USB1: variants seen among roughly 807,000 people sequenced by gnomAD.
USB1 encodes U6 snRNA biogenesis phosphodiesterase 1, also known as U6 snRNA phosphodiesterase 1.
Under a neutral mutation model 29.9 loss-of-function variants are expected in USB1, and 21 were observed. The ratio of observed to expected loss-of-function variants is 0.70; its 90% CI spans 0.50 to 1.01. The LOEUF is 1.01. Among genes scored for constraint, USB1 ranks in the 50% least tolerant of loss-of-function variants. USB1 has a pLI of 0.00. For missense variants in USB1, 330 were observed against 347.1 expected, an observed-to-expected ratio of 0.95 and a Z score of 0.39; for synonymous variants, 143 against 134.9, an observed-to-expected ratio of 1.06 and a Z score of -0.42.
chr16:58,016,722 G>C lies in USB1; in HGVS notation c.504-612G>C, dbSNP rs758342982. ...GCTGGGTGCGTACGAGGCGGACAGC[G>C]AAGTGTCCCTTGGATTTGGTAACGT... is the stretch of plus-strand genomic sequence containing the variant. On this transcript the variant is annotated intron_variant, in intron 4 of 6. Coordinates refer to ENST00000219281, the MANE Select transcript of USB1 (RefSeq NM_024598.4). The C allele has an allele frequency of 4.6e-4, 80 of 173,372 alleles. 1 individual carries two copies. Among genetic ancestry groups the C allele is most frequent in the Admixed American group, 1.4e-3 (26 of 18,606 alleles). 10.7% of individuals were successfully genotyped at this position (173,372 alleles called of 1,614,324 possible). A position where few individuals can be genotyped will look rare whatever the true frequency, so the allele number is the denominator to read the frequency against.
intron 3 of USB1, chr16:58,011,464 G>C (rs1031489825): frequency 9.6e-7 from 1 of 1,040,868 alleles, no homozygotes. Flanking sequence ...TGCTAGACTG[G>C]TCCAGATCAA....
rs1249059283 is a variant in USB1 at position 58,018,985 on chromosome 16, A to G, written c.623A>G (p.His208Arg). The change falls in exon 6 of 7, where the codon CAC (histidine) becomes CGC (arginine). Residue 208 changes from histidine (H) to arginine (R), a missense_variant. Transcript: ENST00000219281. ...LTTFYQDPSF[H>R]LSLAWCVGDA... ...TTCCCTCCCCAGGATCCTTCTTTCC[A>G]CCTCAGCCTGGCCTGGTGTGTGGGT... 5 of 1,613,600 alleles carry G rather than the reference A, an allele frequency of 3.1e-6. No homozygotes were observed. In the South Asian group the frequency reaches 5.5e-5, roughly 18 times the overall value.
At chr16:58,017,593 G>A (rs111634473) in intron 5 of USB1, among the ~76,000 whole-genome samples, 154 bp downstream of exon 5, 103 of 152,336 alleles carry the variant, frequency 6.8e-4, no homozygotes, top group African/African-American at 2.3e-3. Context: ...CACACCTCGG[G>A]GGGTGAGGGC....
Position 58,020,465 on chromosome 16 carries a change from CCTCT to C in USB1, c.*221_*224del, listed in dbSNP as rs1963711206. On this transcript the variant is annotated 3_prime_UTR_variant, in exon 7 of 7. Coordinates refer to ENST00000219281, the MANE Select transcript of USB1 (RefSeq NM_024598.4). ...TCTCTCTCTTCTCCTCTCTTTCTCT[CCTCT>C]GTCTCTCTTCCTCTCCTCTCTTCCT... The C allele has an allele frequency of 1.7e-6, 1 of 597,128 alleles. No individual in the cohort carries two copies. The highest frequency in any genetic ancestry group is 2.7e-5 in the Admixed American group (1 of 36,738). The allele number at this position is 597,128 out of a possible 1,614,324, so 37.0% of individuals were successfully genotyped here. A position where few individuals can be genotyped will look rare whatever the true frequency, so the allele number is the denominator to read the frequency against.
At position 58,013,743 on chromosome 16, in the gene USB1, A is replaced by G. The variant is rs961117648; in HGVS notation, c.450-530A>G. 1.5e-4 allele frequency: 68 copies of G among 462,980 alleles called. No homozygotes were observed. The highest frequency in any genetic ancestry group is 1.8e-4 in the Admixed American group (3 of 17,042). 28.7% of individuals were successfully genotyped at this position (462,980 alleles called of 1,614,324 possible). ...CTGGCTCACCAAATTCAGCTTCACC[A>G]TGCCTCTGTTTCTTTGTCTGTAAAA... On this transcript the variant is annotated intron_variant, in intron 3 of 6. Transcript: ENST00000219281. This position sits in a 1 kb window ranked among gnomAD's most constrained non-coding sequence, Gnocchi z 4.3.
rs1351105198 is a variant in USB1, at chr16:58,020,830, C to A, written c.*585C>A. On this transcript the variant is annotated 3_prime_UTR_variant, in exon 7 of 7. Coordinates refer to ENST00000219281, the MANE Select transcript of USB1 (RefSeq NM_024598.4). The stretch of plus-strand genomic sequence containing the variant: ...GCAGGTTGGGTGCTGCTGTTGTGGT[C>A]CTTCCCAGAAACTGCCAGTAGAGGG... The A allele has an allele frequency of 5.9e-6, 1 of 170,690 alleles. No individual in the cohort carries two copies. Among genetic ancestry groups the A allele is most frequent in the African/African-American group, 2.4e-5 (1 of 41,714 alleles). The allele number at this position is 170,690 out of a possible 1,614,324, so 10.6% of individuals were successfully genotyped here.
chr16:58,002,524 T>A lies in USB1; in HGVS notation c.144T>A (p.Ser48Arg). The A allele has an allele frequency of 6.2e-7, 1 of 1,614,114 alleles. No homozygotes were observed. Reference sequence around the variant, plus strand: ...GGCAGAGATTTCCAGTACCTGACAGTGTGCTGAACATGTTCCCGGGCACCG... The same window carrying A: ...GGCAGAGATTTCCAGTACCTGACAGAGTGCTGAACATGTTCCCGGGCACCG... ...LPRQRFPVPD[S>R]VLNMFPGTEE... Residue 48 changes from serine (S) to arginine (R), a missense_variant, in exon 2 of 7, where the codon AGT (serine) becomes AGA (arginine). Ser to Arg is a moderately radical substitution (Grantham distance 110). Coordinates refer to ENST00000219281, the MANE Select transcript of USB1 (RefSeq NM_024598.4).
Position 58,010,095 on chromosome 16 carries a change from T to A in USB1, c.432T>A (p.Arg144=). Residue 144 remains arginine, a synonymous_variant, in exon 3 of 7, where the codon CGT becomes CGA. Coordinates refer to ENST00000219281, the MANE Select transcript of USB1 (RefSeq NM_024598.4). ...CCTTCGTGCAGGCTCTGAAAGCCCG[T>A]ATGACCTCCTTCCACAGGTGAGTGC... ...ILPFVQALKA[R]MTSFHRFFFT... 2 of 1,614,162 alleles carry A rather than the reference T, an allele frequency of 1.2e-6. No individual in the cohort carries two copies. Among genetic ancestry groups the A allele is most frequent in the Non-Finnish European group, 1.7e-6 (2 of 1,180,022 alleles).
chr16:58,011,333 A>G, intron 3 of USB1: 1 of 1,386,672 alleles, frequency 7.2e-7, no homozygotes, highest in Non-Finnish European at 9.3e-7. Context: ...TCAGCACACC[A>G]CTTGGGTGAA....
At position 58,013,476 on chromosome 16, in the gene USB1, ATC is replaced by A. The variant is rs1429659617; in HGVS notation, c.450-795_450-794del. The A allele has an allele frequency of 1.0e-6, 1 of 985,514 alleles. No homozygotes were observed. Among genetic ancestry groups the A allele is most frequent in the East Asian group, 1.1e-4 (1 of 8,808 alleles). 61.0% of individuals were successfully genotyped at this position (985,514 alleles called of 1,614,324 possible). A position where few individuals can be genotyped will look rare whatever the true frequency, so the allele number is the denominator to read the frequency against. On this transcript the variant is annotated intron_variant, in intron 3 of 6. Coordinates refer to ENST00000219281, the MANE Select transcript of USB1 (RefSeq NM_024598.4). This position sits in a 1 kb window ranked among gnomAD's most constrained non-coding sequence, Gnocchi z 4.3. ...CCCTTGGCCTGGGGGCTGTAAAATG[ATC>A]TGTTTCTGTGAGGAGACTTTCCATG...
At chr16:58,014,073 G>A in intron 3 of USB1, 200 bp from the exon 4 acceptor site, 2 of 582,272 alleles carry the variant, frequency 3.4e-6, no homozygotes, top group Non-Finnish European at 6.2e-6. Context: ...GATGTTGTGT[G>A]TTACTCGGGC....
chr16:58,020,293 A>G lies in USB1; in HGVS notation c.*48A>G. On this transcript the variant is annotated 3_prime_UTR_variant, in exon 7 of 7. Transcript: ENST00000219281. ...AGGGCCCTCTGCAGACCAGGCTGAG[A>G]TGGAGGAACCTGCTAAAATCGATGG... 6.3e-7 allele frequency: 1 copy of G among 1,578,030 alleles called. No homozygotes were observed. Among genetic ancestry groups the G allele is most frequent in the Non-Finnish European group, 8.7e-7 (1 of 1,148,092 alleles).
At position 58,009,974 on chromosome 16, in the gene USB1, C is replaced by T. The variant is rs1213803624; in HGVS notation, c.311C>T (p.Pro104Leu). Residue 104 changes from proline to leucine, a missense_variant, in exon 3 of 7, where the codon CCC (proline) becomes CTC (leucine). Transcript: ENST00000219281. ...EFLDLLDVLL[P>L]HAQTYVPRLV... ...CTGGATCTGCTTGATGTGTTGCTGC[C>T]CCATGCCCAGACATATGTCCCCCGG... 1 of 1,613,898 alleles carries T rather than the reference C, an allele frequency of 6.2e-7. No individual in the cohort carries two copies. The highest frequency in any genetic ancestry group is 8.5e-7 in the Non-Finnish European group (1 of 1,180,002).
intron 2 of USB1, among the ~76,000 whole-genome samples, chr16:58,005,557 G>C (rs1963330705): frequency 6.6e-6 from 1 of 152,090 alleles, no homozygotes. Context: ...TATGATTATA[G>C]AGCGAGGATT....
At chr16:58,012,204 C>T in intron 3 of USB1, 8 of 1,498,040 alleles carry the variant, frequency 5.3e-6, no homozygotes, top group Non-Finnish European at 7.1e-6. Flanking sequence ...AATCCAGACA[C>T]TCGGCCAGGG....
chr16:58,002,037 T>G (rs1963222022), intron 1 of USB1, among the ~76,000 whole-genome samples: 1 of 152,240 alleles, frequency 6.6e-6, no homozygotes, highest in Non-Finnish European at 1.5e-5. Flanking sequence ...TTCCTGGGGC[T>G]TAGATTCTTA....
At chr16:58,010,144 C>G (rs903214330) in intron 3 of USB1, 32 bp downstream of exon 3, 1 of 1,613,094 alleles carries the variant, frequency 6.2e-7, no homozygotes, top group African/African-American at 1.3e-5. Flanking sequence ...CTCTCCACTC[C>G]CTCCCCTCCA....
chr16:58,000,684 C>G (rs1415824070), upstream of USB1, among the ~76,000 whole-genome samples: 1 of 135,672 alleles, frequency 7.4e-6, no homozygotes, highest in East Asian at 2.5e-4. The surrounding 1 kb of genome is among the most constrained non-coding windows in gnomAD (Gnocchi z 4.5). Context: ...GACGGGCGGG[C>G]GGCGCGGGGG....
chr16:58,000,947 G>A (rs1488454606), upstream of USB1, among the ~76,000 whole-genome samples: 1 of 152,154 alleles, frequency 6.6e-6, no homozygotes, highest in Admixed American at 6.5e-5. The surrounding 1 kb of genome is among the most constrained non-coding windows in gnomAD (Gnocchi z 4.5). Flanking sequence ...CCCTCGGCCC[G>A]GCTCTGCGCA....
Sources: allele counts gnomAD v4.1 joint callset (sites outside exome capture counted in the v4.1 genomes callset), GRCh38; gene constraint gnomAD v4.1.1; non-coding constraint Gnocchi (gnomAD v3.1); transcripts MANE v1.5; gene names NCBI Gene and HGNC (gene_info 2026-07-23, HGNC 2026-07-21).